CNTNAP2: variants seen among roughly 807,000 people sequenced by gnomAD.
CNTNAP2 encodes the protein contactin associated protein 2, also known as contactin-associated protein-like 2.
Under a neutral mutation model 155.2 loss-of-function variants are expected in CNTNAP2, and 98 were observed. That is an observed-to-expected ratio of 0.63 (90% confidence interval 0.54 to 0.75). The LOEUF is 0.75. CNTNAP2 is among the 30% of genes least tolerant of loss of function. The pLI, the probability that CNTNAP2 is intolerant of heterozygous loss-of-function variation, is 0.00. For missense variants in CNTNAP2, 1,727 were observed against 1,688.1 expected (o/e 1.02, Z -0.40); for synonymous variants, 651 against 631.2 (o/e 1.03, Z -0.47).
At chr7:147,975,034 C>A (rs1303091996) in intron 14 of CNTNAP2, among the ~76,000 whole-genome samples, 12 of 150,850 alleles carry the variant, frequency 8.0e-5, no homozygotes, top group African/African-American at 2.9e-4. Context: ...ACATATAATA[C>A]AATTTTTTGT....
At chr7:148,118,467 G>A (rs1804525119) in intron 16 of CNTNAP2, among the ~76,000 whole-genome samples, 179 bp downstream of exon 16, 1 of 152,148 alleles carries the variant, frequency 6.6e-6, no homozygotes, top group Non-Finnish European at 1.5e-5. Flanking sequence ...CCCTGTCCTT[G>A]GGATGCTCTC....
intron 1 of CNTNAP2, among the ~76,000 whole-genome samples, chr7:146,579,725 A>T (rs1325239292): frequency 6.6e-6 from 1 of 152,116 alleles, no homozygotes; most frequent in Non-Finnish European, 1.5e-5. Flanking sequence ...ACCCCCTCAC[A>T]TGAATCTAAC....
intron 1 of CNTNAP2, among the ~76,000 whole-genome samples, chr7:146,617,356 G>T (rs962038580): frequency 6.6e-6 from 1 of 152,156 alleles, no homozygotes; most frequent in Non-Finnish European, 1.5e-5. Context: ...AAATTTGTGA[G>T]CCTGTGCATT....
chr7:146,298,003 C>A (rs114985128), intron 1 of CNTNAP2, among the ~76,000 whole-genome samples: 1 of 151,986 alleles, frequency 6.6e-6, no homozygotes, highest in Non-Finnish European at 1.5e-5. Flanking sequence ...TACTATAAAA[C>A]GTGAGATGCT....
intron 22 of CNTNAP2, among the ~76,000 whole-genome samples, chr7:148,387,703 TCTGGGAAGCACTTTAAAACTAC>T (rs1379731529): frequency 6.6e-6 from 1 of 152,132 alleles, no homozygotes; most frequent in Non-Finnish European, 1.5e-5. Context: ...TGCTTCTCAA[TCTGGGAAGCACTTTAAAACTAC>T]CTGGGGAGCT....
At chr7:146,588,664 C>G (rs971234940) in intron 1 of CNTNAP2, among the ~76,000 whole-genome samples, 4 of 152,056 alleles carry the variant, frequency 2.6e-5, no homozygotes, top group African/African-American at 4.8e-5. Flanking sequence ...TATGCCACCA[C>G]ACCTGGCTAT....
intron 3 of CNTNAP2, among the ~76,000 whole-genome samples, chr7:146,886,976 A>G (rs558052717): frequency 6.6e-6 from 1 of 151,726 alleles, no homozygotes; most frequent in South Asian, 2.1e-4. Context: ...AAATAGACCT[A>G]ATATTTCTGC....
intron 12 of CNTNAP2, among the ~76,000 whole-genome samples, chr7:147,593,313 C>T (rs1383116381): frequency 1.3e-5 from 2 of 148,406 alleles, no homozygotes; most frequent in Non-Finnish European, 3.0e-5. Flanking sequence ...GTATGTATAG[C>T]ATAATTTACA....
intron 12 of CNTNAP2, among the ~76,000 whole-genome samples, chr7:147,618,697 A>C (rs1223438404): frequency 7.9e-6 from 1 of 126,940 alleles, no homozygotes; most frequent in African/African-American, 4.4e-5. Context: ...TATATATAAT[A>C]ACAGCTATTA....
At chr7:146,168,721 C>G (rs1435189903) in intron 1 of CNTNAP2, among the ~76,000 whole-genome samples, 1 of 152,202 alleles carries the variant, frequency 6.6e-6, no homozygotes, top group Non-Finnish European at 1.5e-5. Context: ...TCATTTCAAA[C>G]CTGAAATATT....
chr7:147,383,639 G>A (rs762659946), intron 9 of CNTNAP2, among the ~76,000 whole-genome samples: 31 of 152,028 alleles, frequency 2.0e-4, no homozygotes, highest in Non-Finnish European at 2.6e-4. Flanking sequence ...GCAAGGGGAG[G>A]GGAGAGCATT....
chr7:147,064,904 A>G (rs1212305404), intron 4 of CNTNAP2, among the ~76,000 whole-genome samples: 2 of 152,172 alleles, frequency 1.3e-5, no homozygotes, highest in East Asian at 3.9e-4. Context: ...CAGTTTCAAG[A>G]GCTCAAATTC....
intron 9 of CNTNAP2, among the ~76,000 whole-genome samples, chr7:147,359,714 G>A (rs1400424742): frequency 6.6e-6 from 1 of 151,994 alleles, no homozygotes; most frequent in African/African-American, 2.4e-5. Context: ...TCTCTTACTT[G>A]CTCACATGGC....
At chr7:147,437,300 A>T (rs1300742046) in intron 10 of CNTNAP2, among the ~76,000 whole-genome samples, 1 of 152,182 alleles carries the variant, frequency 6.6e-6, no homozygotes, top group Admixed American at 6.5e-5. Flanking sequence ...GGCCCAATTT[A>T]TGACACTGGG....
intron 22 of CNTNAP2, among the ~76,000 whole-genome samples, chr7:148,390,268 T>A (rs528124076): frequency 6.6e-6 from 1 of 152,264 alleles, no homozygotes; most frequent in South Asian, 2.1e-4. Flanking sequence ...GATCTGCCTG[T>A]TTGCAACTGG....
chr7:147,149,313 T>C (rs1801778723), intron 8 of CNTNAP2, among the ~76,000 whole-genome samples: 1 of 152,196 alleles, frequency 6.6e-6, no homozygotes, highest in Non-Finnish European at 1.5e-5. Flanking sequence ...TACAGAGCGC[T>C]GATTGGTGTG....
intron 8 of CNTNAP2, among the ~76,000 whole-genome samples, chr7:147,193,063 G>T (rs1281415090): frequency 6.6e-6 from 1 of 152,174 alleles, no homozygotes; most frequent in Non-Finnish European, 1.5e-5. Context: ...CTTCTTCATT[G>T]TGTGACAATA....
chr7:147,987,603 GA>G (rs1244416915), intron 15 of CNTNAP2, among the ~76,000 whole-genome samples: 1 of 152,220 alleles, frequency 6.6e-6, no homozygotes, highest in African/African-American at 2.4e-5. Context: ...CATGGCCCAT[GA>G]CACAGCCCTC....
intron 1 of CNTNAP2, among the ~76,000 whole-genome samples, chr7:146,418,853 G>T (rs1029905689): frequency 1.3e-5 from 2 of 152,112 alleles, no homozygotes; most frequent in Non-Finnish European, 2.9e-5. Context: ...ACAGAAGGAA[G>T]ACGAAGTGAA....
Sources: gnomAD v4.1 joint callset for allele counts (sites outside exome capture counted in the v4.1 genomes callset) on GRCh38, gnomAD v4.1.1 for gene constraint, MANE v1.5 for transcripts, NCBI Gene and HGNC (gene_info 2026-07-23, HGNC 2026-07-21) for gene names.